Variants in CDH2 observed in about 807,000 individuals in gnomAD.
CDH2 encodes cadherin 2.
CDH2 carries 17 observed loss-of-function variants against 92.0 expected under a neutral mutation model. The ratio of observed to expected loss-of-function variants is 0.18; its 90% CI spans 0.13 to 0.28. The LOEUF is 0.28. CDH2 is among the 10% of genes least tolerant of loss of function. The pLI is 1.00. For synonymous variants in CDH2, 419 were observed against 415.9 expected (o/e 1.01, Z -0.09); for missense variants, 862 against 1,133.1 (o/e 0.76, Z 3.44).
At chr18:28,070,126 A>G (rs1352391337) in intron 2 of CDH2, among the ~76,000 whole-genome samples, 4 of 152,140 alleles carry the variant, frequency 2.6e-5, no homozygotes, top group Admixed American at 2.6e-4. Context: ...CTTAGAAGAG[A>G]GCTGGAATTC....
intron 2 of CDH2, among the ~76,000 whole-genome samples, chr18:28,059,444 C>T (rs1005112253): frequency 6.6e-6 from 1 of 152,192 alleles, no homozygotes; most frequent in South Asian, 2.1e-4. Flanking sequence ...GGAGTATACT[C>T]ATGAGACAAG....
chr18:27,943,961 CTG>C (rs1205669586), intron 6 of CDH2, among the ~76,000 whole-genome samples: 2 of 152,090 alleles, frequency 1.3e-5, no homozygotes, highest in African/African-American at 4.8e-5. Context: ...TTCCGTCAGT[CTG>C]TGGTGGTTGA....
chr18:28,089,585 T>C (rs920029802), intron 2 of CDH2, among the ~76,000 whole-genome samples: 1 of 152,192 alleles, frequency 6.6e-6, no homozygotes, highest in Admixed American at 6.5e-5. Flanking sequence ...TGTCCTTGAA[T>C]TATTTAAGTA....
At chr18:28,087,453 G>A (rs747225285) in intron 2 of CDH2, among the ~76,000 whole-genome samples, 2 of 152,036 alleles carry the variant, frequency 1.3e-5, no homozygotes. Context: ...TATACATGAC[G>A]GCATGCCAAC....
chr18:28,043,890 ATTTTTTTTTTTTTTTTT>A (rs67532914), intron 2 of CDH2, among the ~76,000 whole-genome samples: 32,858 of 92,902 alleles, frequency 0.35, 4,933 homozygotes, highest in Admixed American at 0.38. Flanking sequence ...AGAATCTCGG[ATTTTTTTTTTTTTTTTT>A]TTTTTTTTTT....
chr18:27,960,755 A>G (rs17467990), intron 15 of CDH2, among the ~76,000 whole-genome samples: 13 of 152,304 alleles, frequency 8.5e-5, no homozygotes, highest in Non-Finnish European at 1.3e-4. Context: ...CATTTTTCAC[A>G]TATGCAGATA....
rs867283465 is a variant in CDH2, at chr18:28,006,494, G to A, written c.703-501C>T. Among the ~76,000 whole-genome samples, 4 of 152,058 alleles carry A rather than the reference G, an allele frequency of 2.6e-5. No individual in the cohort carries two copies. The Middle Eastern group carries it at 0.01, about 388-fold the overall frequency. ...GCACATTGGGAGGCCAAGGAGGGCG[G>A]ATCACCTGAGGTCAGGAGTTTGAGA... is the stretch of plus-strand genomic sequence containing the variant. On this transcript the variant is annotated intron_variant, in intron 5 of 15. Coordinates refer to ENST00000269141, the MANE Select transcript of CDH2 (RefSeq NM_001792.5).
chr18:28,132,455 A>G (rs1341340371), intron 2 of CDH2, among the ~76,000 whole-genome samples: 1 of 152,146 alleles, frequency 6.6e-6, no homozygotes, highest in Admixed American at 6.5e-5. Context: ...CCAGTCAAGG[A>G]GTGAGAGAAC....
At chr18:28,100,588 G>C (rs547588229) in intron 2 of CDH2, among the ~76,000 whole-genome samples, 1 of 141,884 alleles carries the variant, frequency 7.0e-6, no homozygotes, top group East Asian at 1.9e-4. Context: ...TACCATGCTG[G>C]GCTACCAGGA....
At chr18:27,986,798 A>C (rs2012249174) in intron 11 of CDH2, among the ~76,000 whole-genome samples, 1 of 152,170 alleles carries the variant, frequency 6.6e-6, no homozygotes, top group South Asian at 2.1e-4. Flanking sequence ...ACAATATTCC[A>C]ACACCACCAT....
intron 2 of CDH2, among the ~76,000 whole-genome samples, chr18:28,115,971 A>T (rs1196935531): frequency 6.6e-6 from 1 of 152,158 alleles, no homozygotes; most frequent in Non-Finnish European, 1.5e-5. Flanking sequence ...CAGTGATAAT[A>T]ATCATTTGTT....
At position 27,979,973 on chromosome 18, in the gene CDH2, C is replaced by A. The variant is rs962638142; in HGVS notation, c.2349+2971G>T. On this transcript the variant is annotated intron_variant, in intron 14 of 15. Coordinates refer to ENST00000269141, the MANE Select transcript of CDH2 (RefSeq NM_001792.5). Reference sequence around the variant, plus strand: ...AACTCTAATGCCAAGAACAAACCAGCTAAGTTCCCAATCAAAGCTTTTTGA... The same window carrying A: ...AACTCTAATGCCAAGAACAAACCAGATAAGTTCCCAATCAAAGCTTTTTGA... 2.6e-5 allele frequency among the ~76,000 whole-genome samples: 4 copies of A among 152,146 alleles called. No individual in the cohort carries two copies. The East Asian group carries it at 7.7e-4, about 29-fold the overall frequency.
chr18:28,093,415 C>T (rs569286601), intron 2 of CDH2, among the ~76,000 whole-genome samples: 23 of 152,214 alleles, frequency 1.5e-4, no homozygotes, highest in Middle Eastern at 6.8e-3. Context: ...GGAGTCCTAA[C>T]TTGTTTTTAA....
At chr18:28,147,613 GGCTAAT>G in intron 2 of CDH2, 54 bp downstream of exon 2, 1 of 1,037,238 alleles carries the variant, frequency 9.6e-7, no homozygotes, top group Non-Finnish European at 1.5e-6. Context: ...CTTTTTTAAT[GGCTAAT>G]TTGTTTCATG....
intron 2 of CDH2, among the ~76,000 whole-genome samples, chr18:28,084,506 A>T (rs748635393): frequency 9.9e-5 from 15 of 152,068 alleles, no homozygotes; most frequent in Non-Finnish European, 1.9e-4. Context: ...GTCACATAGC[A>T]GAAGAAAGCC....
chr18:27,997,734 T>C (rs2012628511), intron 7 of CDH2, among the ~76,000 whole-genome samples: 1 of 151,996 alleles, frequency 6.6e-6, no homozygotes, highest in African/African-American at 2.4e-5. Flanking sequence ...CTAGATAAAT[T>C]GGGTTGGGGA....
chr18:28,177,008 C>G lies in CDH2; in HGVS notation c.15G>C (p.Ala5=). MCRI[A]GALRTLLPLL... is the part of the protein sequence containing the mutation. ...GCGGCAGCAGGGTCCGCAGCGCTCC[C>G]GCTATCCGGCACATGGAGGCGGAGA... The change falls in exon 1 of 16, where the codon GCG becomes GCC. Residue 5 remains alanine, a synonymous_variant. Coordinates refer to ENST00000269141, the MANE Select transcript of CDH2 (RefSeq NM_001792.5). 1 of 1,485,036 alleles carries G rather than the reference C, an allele frequency of 6.7e-7. No homozygotes were observed. The highest frequency in any genetic ancestry group is 1.3e-5 in the South Asian group (1 of 79,072). 92.0% of individuals were successfully genotyped at this position (1,485,036 alleles called of 1,614,324 possible).
At chr18:28,008,205 A>G (rs767042283) in intron 5 of CDH2, among the ~76,000 whole-genome samples, 2 of 152,240 alleles carry the variant, frequency 1.3e-5, no homozygotes, top group Non-Finnish European at 2.9e-5. Flanking sequence ...TTCATAAATT[A>G]GAAATTAGTC....
intron 2 of CDH2, among the ~76,000 whole-genome samples, chr18:28,076,808 T>C (rs1044528833): frequency 7.9e-5 from 12 of 151,594 alleles, no homozygotes; most frequent in African/African-American, 2.9e-4. Flanking sequence ...TGAGAAACAT[T>C]GTTTTCAGGA....
Sources: allele counts gnomAD v4.1 joint callset (sites outside exome capture counted in the v4.1 genomes callset), GRCh38; gene constraint gnomAD v4.1.1; transcripts MANE v1.5; gene names NCBI Gene and HGNC (gene_info 2026-07-23, HGNC 2026-07-21).